RAB25: variants seen among roughly 807,000 people sequenced by gnomAD.
RAB25 encodes the protein RAB25, member RAS oncogene family, also known as ras-related protein Rab-25.
In RAB25, 23 loss-of-function variants were observed where a neutral mutation model predicts 25.2. That is an observed-to-expected ratio of 0.91 (90% CI 0.66 to 1.29). RAB25 has a LOEUF of 1.29. Ranked by LOEUF, RAB25 falls within the 50% of genes most tolerant of loss-of-function variation. The probability of loss-of-function intolerance (pLI) is 0.00; values close to 1 mark genes in which losing one functional copy is unlikely to be tolerated. For synonymous variants in RAB25, 102 were observed against 111.5 expected, an observed-to-expected ratio of 0.91 and a Z score of 0.54; for missense variants, 244 against 277.3, an observed-to-expected ratio of 0.88 and a Z score of 0.85.
At chr1:156,065,882 G>A (rs769209359) in intron 1 of RAB25, 29 bp from the exon 2 acceptor site, 2 of 1,549,010 alleles carry the variant, frequency 1.3e-6, no homozygotes, top group Non-Finnish European at 1.8e-6. Context: ...TCTACCCCAT[G>A]CTCAGCCCTT....
chr1:156,065,237 G>T (rs527641560), intron 1 of RAB25, among the ~76,000 whole-genome samples: 1 of 152,308 alleles, frequency 6.6e-6, no homozygotes, highest in South Asian at 2.1e-4. Flanking sequence ...GAACAGCTCA[G>T]ATTGGTTAAA....
chr1:156,070,115 G>T, intron 4 of RAB25, 45 bp from the exon 5 acceptor site: 2 of 1,613,954 alleles, frequency 1.2e-6, no homozygotes, highest in South Asian at 1.1e-5. Flanking sequence ...AAGGGAGCAT[G>T]GGCTCTAAAT....
rs1455758106 is a variant in RAB25 at position 156,068,414 on chromosome 1, CCTCAG to C, written c.386_390del (p.Leu129ProfsTer8). 3.1e-6 allele frequency: 5 copies of C among 1,614,072 alleles called. No individual in the cohort carries two copies. The South Asian group carries it at 5.5e-5, about 18-fold the overall frequency. ...TCATGCTCGTGGGTAACAAAAGTGA[CCTCAG>C]CCAGGCCCGGGAAGTGCCCACTGAG... is the stretch of plus-strand genomic sequence containing the variant. On this transcript the variant is annotated frameshift_variant, in exon 3 of 5. Coordinates refer to ENST00000361084, the MANE Select transcript of RAB25 (RefSeq NM_020387.4). LOFTEE classifies it high-confidence loss of function.
intron 1 of RAB25, among the ~76,000 whole-genome samples, 166 bp from the exon 2 acceptor site, chr1:156,065,745 A>G (rs1462981713): frequency 7.2e-5 from 11 of 152,150 alleles, no homozygotes; most frequent in Admixed American, 7.2e-4. Flanking sequence ...GCCCACCAGG[A>G]CAGATGCATT....
chr1:156,065,521 CTCCAAG>C (rs1345104313), intron 1 of RAB25, among the ~76,000 whole-genome samples: 1 of 152,180 alleles, frequency 6.6e-6, no homozygotes, highest in Non-Finnish European at 1.5e-5. Context: ...TGTTCTCATA[CTCCAAG>C]TCCTAGTCCA....
rs776240771 is a variant in RAB25 at position 156,070,188 on chromosome 1, A to G, written c.543A>G (p.Arg181=). The change falls in exon 5 of 5, where the codon AGA becomes AGG. Residue 181 remains arginine (R), a synonymous_variant. Transcript: ENST00000361084. ...KEIFAKVSKQ[R]QNSIRTNAIT... ...TCTTTGCGAAGGTGTCCAAGCAGAG[A>G]CAGAACAGCATCCGGACCAATGCCA... 10 of 1,613,888 alleles carry G rather than the reference A, an allele frequency of 6.2e-6. No homozygotes were observed. Among genetic ancestry groups the G allele is most frequent in the Non-Finnish European group, 8.5e-6 (10 of 1,179,980 alleles).
intron 2 of RAB25, 113 bp downstream of exon 2, chr1:156,066,219 G>T: frequency 1.1e-6 from 1 of 893,328 alleles, no homozygotes; most frequent in Non-Finnish European, 1.6e-6. Context: ...AGTGGGCTCT[G>T]GGGGGTGGGG....
chr1:156,069,395 GGTCT>G (rs1558098539), intron 3 of RAB25, among the ~76,000 whole-genome samples: 1 of 151,970 alleles, frequency 6.6e-6, no homozygotes, highest in Non-Finnish European at 1.5e-5. Flanking sequence ...TGGCCAAGCC[GGTCT>G]TGAACTCCTG....
chr1:156,070,289 C>A lies in RAB25; in HGVS notation c.*2C>A. 6.2e-7 allele frequency: 1 copy of A among 1,612,934 alleles called. No individual in the cohort carries two copies. Among genetic ancestry groups the A allele is most frequent in the Non-Finnish European group, 8.5e-7 (1 of 1,179,114 alleles). On this transcript the variant is annotated 3_prime_UTR_variant, in exon 5 of 5. Coordinates refer to ENST00000361084, the MANE Select transcript of RAB25 (RefSeq NM_020387.4). ...AGGGCCTGTTGCATCAGCCTCTGAC[C>A]TTGGCCAGCACCACCTGCCCCCACT...
intron 3 of RAB25, 98 bp downstream of exon 3, chr1:156,068,561 C>A: frequency 8.1e-7 from 1 of 1,235,190 alleles, no homozygotes. Flanking sequence ...AGCCCCTAGC[C>A]TGGCCTTCCT....
chr1:156,064,713 C>T (rs1647691781), intron 1 of RAB25, among the ~76,000 whole-genome samples: 1 of 152,160 alleles, frequency 6.6e-6, no homozygotes, highest in Admixed American at 6.5e-5. Context: ...CCACACCCAG[C>T]CAAGGAACTT....
Position 156,061,225 on chromosome 1 carries a change from C to A in RAB25, c.-176C>A. The stretch of plus-strand genomic sequence containing the variant: ...CTGCCAGAGCTGATCCTCCCTAGGC[C>A]CTGCCTAACCTTGAGTTGGCCCCCA... On this transcript the variant is annotated 5_prime_UTR_variant, in exon 1 of 5. Transcript: ENST00000361084. 1.5e-6 allele frequency: 1 copy of A among 666,906 alleles called. No homozygotes were observed. Among genetic ancestry groups the A allele is most frequent in the Non-Finnish European group, 2.7e-6 (1 of 371,450 alleles). 41.3% of individuals were successfully genotyped at this position (666,906 alleles called of 1,614,324 possible). A position where few individuals can be genotyped will look rare whatever the true frequency, so the allele number is the denominator to read the frequency against.
At position 156,068,293 on chromosome 1, in the gene RAB25, C is replaced by T; in HGVS notation, c.263C>T (p.Ala88Val). The T allele has an allele frequency of 6.2e-7, 1 of 1,613,278 alleles. No homozygotes were observed. The highest frequency in any genetic ancestry group is 8.5e-7 in the Non-Finnish European group (1 of 1,179,340). The change falls in exon 3 of 5, where the codon GCC becomes GTC. Residue 88 changes from alanine to valine, a missense_variant. Ala to Val is a moderately conservative substitution (Grantham distance 64). Transcript: ENST00000361084. ...AGGTACTATCGTGGTGCAGTGGGGG[C>T]CCTCCTGGTGTTTGACCTAACCAAG... ...TSAYYRGAVG[A>V]LLVFDLTKHQ...
At chr1:156,063,046 T>C in intron 1 of RAB25, among the ~76,000 whole-genome samples, 1 of 123,700 alleles carries the variant, frequency 8.1e-6, no homozygotes, top group African/African-American at 3.1e-5. Flanking sequence ...AGAGCAAGAC[T>C]CTGTCTAAAA....
Position 156,061,300 on chromosome 1 carries a change from G to A in RAB25, c.-101G>A, listed in dbSNP as rs1393981563. The stretch of plus-strand genomic sequence containing the variant: ...TTACCCCCAATGAGAGGAGGGGCAG[G>A]ACCAGATCTTTTGAGAGCTGAGGGT... On this transcript the variant is annotated 5_prime_UTR_variant, in exon 1 of 5. Transcript: ENST00000361084. The A allele has an allele frequency of 1.9e-5, 24 of 1,241,970 alleles. No individual in the cohort carries two copies. Among genetic ancestry groups the A allele is most frequent in the Non-Finnish European group, 2.7e-5 (23 of 846,640 alleles). The allele number at this position is 1,241,970 out of a possible 1,614,324, so 76.9% of individuals were successfully genotyped here.
At chr1:156,062,364 G>A (rs749863303) in intron 1 of RAB25, among the ~76,000 whole-genome samples, 3 of 152,104 alleles carry the variant, frequency 2.0e-5, no homozygotes, top group Non-Finnish European at 4.4e-5. Flanking sequence ...AAGCATGCAT[G>A]TATCTTTCTA....
At position 156,070,200 on chromosome 1, in the gene RAB25, C is replaced by T. The variant is rs1441899013; in HGVS notation, c.555C>T (p.Ile185=). ...TGTCCAAGCAGAGACAGAACAGCAT[C>T]CGGACCAATGCCATCACTCTGGGCA... ...AKVSKQRQNS[I]RTNAITLGSA... Residue 185 remains isoleucine (I), a synonymous_variant, in exon 5 of 5, where the codon ATC becomes ATT. Transcript: ENST00000361084. The T allele has an allele frequency of 4.3e-6, 7 of 1,614,092 alleles. No homozygotes were observed. The highest frequency in any genetic ancestry group is 1.6e-4 in the Middle Eastern group (1 of 6,062).
At chr1:156,067,795 G>T (rs887219755) in intron 2 of RAB25, among the ~76,000 whole-genome samples, 1 of 151,980 alleles carries the variant, frequency 6.6e-6, no homozygotes, top group Non-Finnish European at 1.5e-5. Context: ...TCTTGTTGCC[G>T]AGGCTGGAGT....
At chr1:156,063,713 T>C (rs914323914) in intron 1 of RAB25, among the ~76,000 whole-genome samples, 5 of 152,220 alleles carry the variant, frequency 3.3e-5, no homozygotes, top group African/African-American at 9.6e-5. Context: ...CCCTGCAGCT[T>C]GGGGCAAGTC....
Sources: gnomAD v4.1 joint callset for allele counts (sites outside exome capture counted in the v4.1 genomes callset) on GRCh38, gnomAD v4.1.1 for gene constraint, MANE v1.5 for transcripts, NCBI Gene and HGNC (gene_info 2026-07-23, HGNC 2026-07-21) for gene names.